RAB3C: variants seen among roughly 807,000 people sequenced by gnomAD.
RAB3C encodes RAB3C, member RAS oncogene family.
Under a neutral mutation model 26.4 loss-of-function variants are expected in RAB3C, and 17 were observed. The ratio of observed to expected loss-of-function variants is 0.64; its 90% CI spans 0.44 to 0.97. The LOEUF is 0.97. Among genes scored for constraint, RAB3C ranks in the 50% least tolerant of loss-of-function variants. The probability of loss-of-function intolerance (pLI) is 0.00; values close to 1 mark genes in which losing one functional copy is unlikely to be tolerated. For synonymous variants in RAB3C, 91 were observed against 95.9 expected (o/e 0.95, Z 0.30); for missense variants, 242 against 281.9 (o/e 0.86, Z 1.01).
chr5:58,595,147 G>A (rs1356946971), intron 1 of RAB3C, among the ~76,000 whole-genome samples: 1 of 152,174 alleles, frequency 6.6e-6, no homozygotes, highest in Non-Finnish European at 1.5e-5. Context: ...GAGTTTAGCA[G>A]AGCAGAGTTG....
intron 3 of RAB3C, among the ~76,000 whole-genome samples, chr5:58,745,392 C>CAAAAA (rs1173604247): frequency 3.9e-4 from 13 of 33,088 alleles, no homozygotes; most frequent in East Asian, 9.2e-4. Flanking sequence ...GACTCTGCTT[C>CAAAAA]AAAAAAAAAA....
rs564140404 is a variant in RAB3C, at chr5:58,613,124, T to C, written c.25-4519T>C. Among the ~76,000 whole-genome samples, 6 of 152,234 alleles carry C rather than the reference T, an allele frequency of 3.9e-5. No individual in the cohort carries two copies. The East Asian group carries it at 1.2e-3, about 29-fold the overall frequency. ...AGGAGGCTGTGGTTACATGTTTTAA[T>C]CAGAGGTAACCGATTTGGTTCCTGG... On this transcript the variant is annotated intron_variant, in intron 1 of 4. Transcript: ENST00000282878.
chr5:58,667,353 A>T (rs1748022991), intron 2 of RAB3C, among the ~76,000 whole-genome samples: 1 of 152,164 alleles, frequency 6.6e-6, no homozygotes, highest in Admixed American at 6.5e-5. Flanking sequence ...GAAAGGGCAG[A>T]CTTAGCTGCA....
rs184816552 is a variant in RAB3C, at chr5:58,701,296, C to T, written c.253-24706C>T. 1.0e-3 allele frequency among the ~76,000 whole-genome samples: 154 copies of T among 152,246 alleles called. 1 individual carries two copies. In the East Asian group the frequency reaches 0.016, roughly 16 times the overall value. On this transcript the variant is annotated intron_variant, in intron 2 of 4. Transcript: ENST00000282878. Reference sequence around the variant, plus strand: ...AATTACAGGCGTGAGCTACTGCGCCCGGCCTAGTTCATTTTTTAATCACAT... The same window carrying T: ...AATTACAGGCGTGAGCTACTGCGCCTGGCCTAGTTCATTTTTTAATCACAT...
At chr5:58,652,531 C>T (rs1343120940) in intron 2 of RAB3C, among the ~76,000 whole-genome samples, 7 of 151,186 alleles carry the variant, frequency 4.6e-5, no homozygotes, top group Admixed American at 3.3e-4. Flanking sequence ...ATTATTATAT[C>T]TAAGCTTAGA....
chr5:58,751,273 G>A (rs1210668989), intron 3 of RAB3C, among the ~76,000 whole-genome samples: 1 of 152,236 alleles, frequency 6.6e-6, no homozygotes, highest in Non-Finnish European at 1.5e-5. Flanking sequence ...GAAATCCAAA[G>A]GTAGAATTGA....
chr5:58,766,239 C>G (rs545306656), intron 3 of RAB3C, among the ~76,000 whole-genome samples: 1 of 151,956 alleles, frequency 6.6e-6, no homozygotes, highest in African/African-American at 2.4e-5. Flanking sequence ...GCCTCAGCCT[C>G]CAGAGTAGCT....
chr5:58,761,063 T>TCTCACACACACACACA (rs370091627), intron 3 of RAB3C, among the ~76,000 whole-genome samples: 2 of 144,718 alleles, frequency 1.4e-5, no homozygotes, highest in Non-Finnish European at 3.0e-5. Flanking sequence ...TCTCTCTCTC[T>TCTCACACACACACACA]CACACACACA....
At chr5:58,601,176 G>GC (rs1325316255) in intron 1 of RAB3C, among the ~76,000 whole-genome samples, 12 of 152,086 alleles carry the variant, frequency 7.9e-5, no homozygotes, top group Admixed American at 2.6e-4. Flanking sequence ...AACTGTCCCT[G>GC]CATATCTGGT....
chr5:58,731,572 A>C lies in RAB3C; in HGVS notation c.371+5452A>C, dbSNP rs577367617. Among the ~76,000 whole-genome samples the C allele has an allele frequency of 7.2e-5, 11 of 152,240 alleles. No individual in the cohort carries two copies. In the South Asian group the frequency reaches 2.3e-3, roughly 32 times the overall value. Reference sequence around the variant, plus strand: ...GCCTGGAAGCAAGAGTGAGGAGAAAAGGGAGCATCAGGGAAGAGAGAGAAC... The same window carrying C: ...GCCTGGAAGCAAGAGTGAGGAGAAACGGGAGCATCAGGGAAGAGAGAGAAC... On this transcript the variant is annotated intron_variant, in intron 3 of 4. Coordinates refer to ENST00000282878, the MANE Select transcript of RAB3C (RefSeq NM_138453.4).
chr5:58,799,980 G>A (rs973916400), intron 3 of RAB3C, among the ~76,000 whole-genome samples: 8 of 152,158 alleles, frequency 5.3e-5, no homozygotes, highest in Admixed American at 2.0e-4. Context: ...AGCTATTTAT[G>A]CAAACAATGA....
intron 2 of RAB3C, among the ~76,000 whole-genome samples, chr5:58,636,485 C>T (rs906251959): frequency 5.3e-5 from 8 of 152,182 alleles, no homozygotes; most frequent in Non-Finnish European, 1.2e-4. Flanking sequence ...ATTTCTGCCC[C>T]TTTATTTACT....
At chr5:58,704,464 A>G (rs1748906116) in intron 2 of RAB3C, among the ~76,000 whole-genome samples, 1 of 152,208 alleles carries the variant, frequency 6.6e-6, no homozygotes, top group Admixed American at 6.5e-5. Flanking sequence ...CCTGAAAAGG[A>G]AAAAATTCTG....
intron 3 of RAB3C, among the ~76,000 whole-genome samples, chr5:58,756,788 G>T (rs1339438329): frequency 2.0e-5 from 3 of 150,236 alleles, no homozygotes; most frequent in Non-Finnish European, 4.4e-5. Context: ...CCTTTTTATG[G>T]CTGCACAGTA....
At chr5:58,708,541 G>C (rs1748998622) in intron 2 of RAB3C, among the ~76,000 whole-genome samples, 1 of 152,128 alleles carries the variant, frequency 6.6e-6, no homozygotes, top group Admixed American at 6.5e-5. Context: ...TGTAGGAGAA[G>C]GATCAGTAGA....
intron 2 of RAB3C, among the ~76,000 whole-genome samples, chr5:58,652,063 A>C (rs967237938): frequency 3.3e-5 from 5 of 151,950 alleles, no homozygotes; most frequent in Non-Finnish European, 7.4e-5. Context: ...GAACTGATGG[A>C]TCTGGAGGGC....
intron 1 of RAB3C, among the ~76,000 whole-genome samples, chr5:58,608,631 A>G (rs562157035): frequency 2.8e-4 from 42 of 152,348 alleles, no homozygotes; most frequent in African/African-American, 9.4e-4. Context: ...ACAGTGTGGC[A>G]GTTCCTCAAG....
chr5:58,704,374 G>A (rs1374526703), intron 2 of RAB3C, among the ~76,000 whole-genome samples: 1 of 152,134 alleles, frequency 6.6e-6, no homozygotes, highest in African/African-American at 2.4e-5. Flanking sequence ...TTGCCTGCTG[G>A]TGTACTCAGA....
intron 2 of RAB3C, among the ~76,000 whole-genome samples, chr5:58,692,625 T>A (rs73102313): frequency 0.023 from 3,490 of 152,172 alleles, 139 homozygotes; most frequent in African/African-American, 0.08. Flanking sequence ...AGCATCAATA[T>A]CCACCACCCC....
Sources: allele counts gnomAD v4.1 joint callset (sites outside exome capture counted in the v4.1 genomes callset), GRCh38; gene constraint gnomAD v4.1.1; transcripts MANE v1.5; gene names NCBI Gene and HGNC (gene_info 2026-07-23, HGNC 2026-07-21).